The following CSRNP3 variants were observed in gnomAD, a reference collection of about 807,000 sequenced individuals.
CSRNP3 encodes cysteine/serine-rich nuclear protein 3.
A neutral mutation model predicts 48.0 loss-of-function variants in CSRNP3; 12 were observed. The ratio of observed to expected loss-of-function variants is 0.25; its 90% CI spans 0.16 to 0.41. CSRNP3 has a LOEUF of 0.41. CSRNP3 is among the 10% of genes least tolerant of loss of function. CSRNP3 has a pLI of 1.00. For missense variants in CSRNP3, 580 were observed against 724.4 expected (o/e 0.80, Z 2.29); for synonymous variants, 263 against 269.7 (o/e 0.98, Z 0.24).
rs141176678 is a variant in CSRNP3 at position 165,484,807 on chromosome 2, C to T, written c.-282-9952C>T. ...TTCTATTGCCATGGAATCATTACAA[C>T]ATCGCAATTTTGGTAGTTCAACCAG... is the stretch of plus-strand genomic sequence containing the variant. On this transcript the variant is annotated intron_variant, in intron 1 of 6. Coordinates refer to ENST00000651982, the MANE Select transcript of CSRNP3 (RefSeq NM_001172173.2). Among the ~76,000 whole-genome samples, 249 of 152,290 alleles carry T rather than the reference C, an allele frequency of 1.6e-3. 1 individual carries two copies. Among genetic ancestry groups the T allele is most frequent in the South Asian group, 0.011 (51 of 4,832 alleles).
intron 5 of CSRNP3, among the ~76,000 whole-genome samples, chr2:165,674,484 A>G (rs1687386002): frequency 6.6e-6 from 1 of 151,844 alleles, no homozygotes; most frequent in Non-Finnish European, 1.5e-5. Context: ...TGGCTATCAC[A>G]GTTTAAACAA....
chr2:165,648,413 G>T (rs951536394), intron 4 of CSRNP3, among the ~76,000 whole-genome samples: 1 of 152,108 alleles, frequency 6.6e-6, no homozygotes, highest in African/African-American at 2.4e-5. Context: ...TCAGTGGGTT[G>T]TTAGTTCTAC....
Position 165,681,299 on chromosome 2 carries a change from T to C in CSRNP3, c.*1546T>C, listed in dbSNP as rs573164720. ...TATATCACTTCACATGTTTTATAAC[T>C]ATTTGAAATGCGGACATGACTTGCT... On this transcript the variant is annotated 3_prime_UTR_variant, in exon 7 of 7. Transcript: ENST00000651982. The C allele has an allele frequency of 1.3e-5, 2 of 152,158 alleles. No individual in the cohort carries two copies. Among genetic ancestry groups the C allele is most frequent in the Non-Finnish European group, 2.9e-5 (2 of 68,038 alleles). The allele number at this position is 152,158 out of a possible 1,614,324, so 9.4% of individuals were successfully genotyped here.
At chr2:165,668,384 CCTTT>C (rs1378064033) in intron 5 of CSRNP3, among the ~76,000 whole-genome samples, 12 of 148,020 alleles carry the variant, frequency 8.1e-5, no homozygotes, top group East Asian at 4.0e-4. Context: ...TGAATCATAT[CCTTT>C]CTTTCTTTCT....
In CSRNP3 at chr2:165,679,243, C is replaced by T. The variant is rs1196666984; in HGVS notation, c.1248C>T (p.Thr416=). 11 of 1,613,776 alleles carry T rather than the reference C, an allele frequency of 6.8e-6. No individual in the cohort carries two copies. Among genetic ancestry groups the T allele is most frequent in the Admixed American group, 3.3e-5 (2 of 59,948 alleles). The change falls in exon 7 of 7, where the codon ACC becomes ACT. Residue 416 remains threonine (T), a synonymous_variant. Coordinates refer to ENST00000651982, the MANE Select transcript of CSRNP3 (RefSeq NM_001172173.2). Reference sequence around the variant, plus strand: ...CAGTTCTTTGTTATTCTGATGGCACCGCCGTTCACGAAAGCCATGCAAAGA... The same window carrying T: ...CAGTTCTTTGTTATTCTGATGGCACTGCCGTTCACGAAAGCCATGCAAAGA... ...LPSVLCYSDG[T]AVHESHAKNA...
At chr2:165,577,051 A>G (rs902483036) in intron 3 of CSRNP3, among the ~76,000 whole-genome samples, 2 of 151,958 alleles carry the variant, frequency 1.3e-5, no homozygotes, top group Non-Finnish European at 2.9e-5. Context: ...TCTAAAATCT[A>G]CAAATAACTG....
intron 1 of CSRNP3, among the ~76,000 whole-genome samples, chr2:165,478,393 C>T (rs1256711371): frequency 6.6e-6 from 1 of 152,130 alleles, no homozygotes. Flanking sequence ...CTCTTTTTCT[C>T]TCCCCCATGT....
At chr2:165,588,846 CA>C (rs924672826) in intron 3 of CSRNP3, among the ~76,000 whole-genome samples, 3 of 152,130 alleles carry the variant, frequency 2.0e-5, no homozygotes, top group Non-Finnish European at 4.4e-5. Flanking sequence ...CTTGTAGTTT[CA>C]GCTACTGGTG....
At chr2:165,675,094 C>G (rs558128863) in intron 5 of CSRNP3, among the ~76,000 whole-genome samples, 2 of 152,082 alleles carry the variant, frequency 1.3e-5, no homozygotes, top group African/African-American at 4.8e-5. Flanking sequence ...AAAGTCCAAT[C>G]TTCTATTTGT....
At chr2:165,590,050 T>C (rs1033245217) in intron 3 of CSRNP3, among the ~76,000 whole-genome samples, 1 of 152,236 alleles carries the variant, frequency 6.6e-6, no homozygotes, top group African/African-American at 2.4e-5. Flanking sequence ...TTAAAATTTA[T>C]ATCCTGTCCT....
chr2:165,487,670 C>T (rs1226037299), intron 1 of CSRNP3, among the ~76,000 whole-genome samples: 1 of 143,494 alleles, frequency 7.0e-6, no homozygotes, highest in Non-Finnish European at 1.5e-5. Flanking sequence ...AATTTTCAAC[C>T]CAGAATTTCA....
intron 1 of CSRNP3, among the ~76,000 whole-genome samples, chr2:165,484,685 C>T (rs896403068): frequency 2.6e-5 from 4 of 152,092 alleles, no homozygotes; most frequent in South Asian, 2.1e-4. Flanking sequence ...TGTCTTTTCC[C>T]GTAGTTTTCC....
At position 165,686,563 on chromosome 2, in the gene CSRNP3, A is replaced by G. The variant is rs1573970670; in HGVS notation, c.*6810A>G. ...TACCCTAAAGTGGAAAAACCTAAGT[A>G]TCTAACCTAGGAACTTGTTGCCTGG... On this transcript the variant is annotated 3_prime_UTR_variant, in exon 7 of 7. Transcript: ENST00000651982. 6.6e-6 allele frequency: 1 copy of G among 152,278 alleles called. No individual in the cohort carries two copies. Among genetic ancestry groups the G allele is most frequent in the Admixed American group, 6.6e-5 (1 of 15,256 alleles). 9.4% of individuals were successfully genotyped at this position (152,278 alleles called of 1,614,324 possible).
chr2:165,480,108 C>T (rs1684020010), intron 1 of CSRNP3, among the ~76,000 whole-genome samples: 1 of 152,138 alleles, frequency 6.6e-6, no homozygotes, highest in African/African-American at 2.4e-5. Context: ...CTGCTCTCAG[C>T]TCCTGGAAGC....
In CSRNP3 at chr2:165,679,821, G is replaced by A. The variant is rs1687502975; in HGVS notation, c.*68G>A. 2.0e-6 allele frequency: 3 copies of A among 1,532,456 alleles called. No homozygotes were observed. Among genetic ancestry groups the A allele is most frequent in the South Asian group, 1.3e-5 (1 of 76,752 alleles). 94.9% of individuals were successfully genotyped at this position (1,532,456 alleles called of 1,614,324 possible). ...CACTGTATTTAATTGGATTTCCTGG[G>A]CTCATCATTGTTTAAACTGAAGACC... is the stretch of plus-strand genomic sequence containing the variant. On this transcript the variant is annotated 3_prime_UTR_variant, in exon 7 of 7. Transcript: ENST00000651982.
intron 4 of CSRNP3, among the ~76,000 whole-genome samples, chr2:165,599,277 GAGAGAGAGAA>G (rs1462475192): frequency 1.1e-5 from 1 of 90,126 alleles, no homozygotes; most frequent in Non-Finnish European, 2.4e-5. Flanking sequence ...GAAAGAAAGA[GAGAGAGAGAA>G]AGAAAGAAAG....
chr2:165,472,259 G>A (rs569237369), intron 1 of CSRNP3, among the ~76,000 whole-genome samples: 2 of 151,894 alleles, frequency 1.3e-5, no homozygotes, highest in South Asian at 2.1e-4. Flanking sequence ...TAAACTTAAC[G>A]TCCAAACCAT....
In CSRNP3 at chr2:165,650,045, A is replaced by T. The variant is rs116699612; in HGVS notation, c.149-7716A>T. On this transcript the variant is annotated intron_variant, in intron 4 of 6. Coordinates refer to ENST00000651982, the MANE Select transcript of CSRNP3 (RefSeq NM_001172173.2). The stretch of plus-strand genomic sequence containing the variant: ...ATATTACATACTTAAGGTAATTTGG[A>T]TTTTGTTCATGGTAAGAAAGAAAAT... 8.4e-3 allele frequency among the ~76,000 whole-genome samples: 1,281 copies of T among 152,146 alleles called. 17 individuals are homozygous for T. Among genetic ancestry groups the T allele is most frequent in the African/African-American group, 0.029 (1,200 of 41,510 alleles).
chr2:165,638,729 T>G (rs193136980), intron 4 of CSRNP3, among the ~76,000 whole-genome samples: 1 of 152,372 alleles, frequency 6.6e-6, no homozygotes, highest in East Asian at 1.9e-4. Context: ...ACCACTGAAG[T>G]TGAACACTTT....
Sources: gnomAD v4.1 joint callset for allele counts (sites outside exome capture counted in the v4.1 genomes callset) on GRCh38, gnomAD v4.1.1 for gene constraint, MANE v1.5 for transcripts, NCBI Gene and HGNC (gene_info 2026-07-23, HGNC 2026-07-21) for gene names.